Variants in STX8 observed in about 807,000 individuals in gnomAD.
The protein encoded by STX8 is syntaxin 8, also known as syntaxin-8.
A neutral mutation model predicts 37.5 loss-of-function variants in STX8; 23 were observed. The observed-to-expected ratio is 0.61, with a 90% CI of 0.44 to 0.87. STX8 has a LOEUF of 0.87. STX8 is among the 40% of genes least tolerant of loss of function. The probability of loss-of-function intolerance (pLI) is 0.00; values close to 1 mark genes in which losing one functional copy is unlikely to be tolerated. For synonymous variants in STX8, 115 were observed against 99.1 expected (o/e 1.16, Z -0.95); for missense variants, 313 against 284.7 (o/e 1.10, Z -0.71).
intron 4 of STX8, among the ~76,000 whole-genome samples, chr17:9,517,225 T>A (rs544869440): frequency 3.9e-5 from 6 of 152,284 alleles, no homozygotes; most frequent in East Asian, 1.9e-4. Context: ...ATTATGCATT[T>A]GTTTGTTTTC....
At chr17:9,340,735 G>A (rs1910324674) in intron 7 of STX8, among the ~76,000 whole-genome samples, 1 of 126,646 alleles carries the variant, frequency 7.9e-6, no homozygotes, top group South Asian at 2.7e-4. Context: ...TGGGCTGACC[G>A]CAACCTCTGC....
At chr17:9,360,456 G>A (rs1188376295) in intron 7 of STX8, among the ~76,000 whole-genome samples, 1 of 151,402 alleles carries the variant, frequency 6.6e-6, no homozygotes, top group Non-Finnish European at 1.5e-5. Context: ...GGCTGGTCTC[G>A]AACTCCTGAC....
intron 4 of STX8, among the ~76,000 whole-genome samples, chr17:9,527,042 G>A (rs534627340): frequency 1.8e-3 from 263 of 148,486 alleles, no homozygotes; most frequent in Admixed American, 2.9e-3. Context: ...AGCCGGGCGC[G>A]GTGGCGGGCG....
intron 7 of STX8, 76 bp downstream of exon 7, chr17:9,378,476 G>T: frequency 7.5e-7 from 1 of 1,326,666 alleles, no homozygotes; most frequent in South Asian, 1.2e-5. Flanking sequence ...ACAGTAATTA[G>T]ACAAACAGGA....
chr17:9,563,503 T>A (rs1054964222), intron 2 of STX8, among the ~76,000 whole-genome samples: 2 of 151,770 alleles, frequency 1.3e-5, no homozygotes, highest in Admixed American at 1.3e-4. Flanking sequence ...ATCTTTTATA[T>A]AAAAGGAAAA....
At chr17:9,546,988 G>A (rs1417030410) in intron 3 of STX8, among the ~76,000 whole-genome samples, 1 of 151,486 alleles carries the variant, frequency 6.6e-6, no homozygotes, top group Non-Finnish European at 1.5e-5. Context: ...GTGGCTCAAC[G>A]CCTGTAATCC....
chr17:9,438,890 C>A (rs1904540282), intron 6 of STX8, among the ~76,000 whole-genome samples: 1 of 152,074 alleles, frequency 6.6e-6, no homozygotes, highest in African/African-American at 2.4e-5. Flanking sequence ...GATCACGCCA[C>A]TGCACTCCAG....
At chr17:9,441,139 T>C (rs1904633439) in intron 6 of STX8, among the ~76,000 whole-genome samples, 1 of 152,052 alleles carries the variant, frequency 6.6e-6, no homozygotes, top group South Asian at 2.1e-4. Context: ...AAGGGGCAAA[T>C]GCTAAGATGA....
chr17:9,544,643 T>G (rs924108902), intron 4 of STX8, among the ~76,000 whole-genome samples: 1 of 152,176 alleles, frequency 6.6e-6, no homozygotes, highest in Non-Finnish European at 1.5e-5. Context: ...TCCCTTAGTA[T>G]GTTCCACCCA....
intron 6 of STX8, among the ~76,000 whole-genome samples, chr17:9,421,163 C>T (rs1467111292): frequency 6.6e-6 from 1 of 151,934 alleles, no homozygotes. Context: ...GAGGCCGAGG[C>T]GGGCGGATCA....
intron 6 of STX8, among the ~76,000 whole-genome samples, chr17:9,481,271 C>T (rs920205006): frequency 2.0e-5 from 3 of 152,210 alleles, no homozygotes; most frequent in Admixed American, 6.5e-5. Context: ...ATAGCTCTTC[C>T]GGGTTACAGC....
chr17:9,533,736 A>C (rs1445339362), intron 4 of STX8, among the ~76,000 whole-genome samples: 2 of 152,212 alleles, frequency 1.3e-5, no homozygotes, highest in African/African-American at 4.8e-5. Flanking sequence ...CTGGTTCTTC[A>C]AGAAACTTCA....
At chr17:9,328,055 C>T (rs928459293) in intron 7 of STX8, among the ~76,000 whole-genome samples, 2 of 151,250 alleles carry the variant, frequency 1.3e-5, no homozygotes, top group African/African-American at 4.9e-5. Flanking sequence ...TCTCCCCCCA[C>T]CCCCTCTCTC....
intron 6 of STX8, among the ~76,000 whole-genome samples, chr17:9,382,509 G>A (rs1189547110): frequency 9.9e-5 from 15 of 152,100 alleles, no homozygotes; most frequent in Non-Finnish European, 1.5e-5. Context: ...GTATACATGT[G>A]CCATGTTGGT....
intron 7 of STX8, among the ~76,000 whole-genome samples, chr17:9,264,590 C>G (rs1054584478): frequency 6.6e-6 from 1 of 152,122 alleles, no homozygotes; most frequent in Admixed American, 6.5e-5. Context: ...CAGGCATGAG[C>G]CACTGCACCC....
At chr17:9,496,681 G>A (rs1230777006) in intron 5 of STX8, among the ~76,000 whole-genome samples, 2 of 152,104 alleles carry the variant, frequency 1.3e-5, no homozygotes, top group South Asian at 2.1e-4. Flanking sequence ...AATCTGAGAC[G>A]GGGGATTAGC....
At chr17:9,320,318 G>A (rs1161493957) in intron 7 of STX8, among the ~76,000 whole-genome samples, 5 of 146,262 alleles carry the variant, frequency 3.4e-5, no homozygotes, top group African/African-American at 1.3e-4. Context: ...GGGTGACAGA[G>A]CAAGACTCCA....
chr17:9,545,366 T>C lies in STX8; in HGVS notation c.213-84A>G, dbSNP rs113221588. On this transcript the variant is annotated intron_variant, in intron 3 of 7. Coordinates refer to ENST00000306357, the MANE Select transcript of STX8 (RefSeq NM_004853.3). ...TTATTAAGTTAGCTCTTCAAGTCAG[T>C]TGTGGCTTTTACAGACTGTAATCAC... The C allele has an allele frequency of 1.3e-3, 1,320 of 1,038,266 alleles. 12 individuals are homozygous for C. In the East Asian group the frequency reaches 0.013, roughly 10 times the overall value. The allele number at this position is 1,038,266 out of a possible 1,614,324, so 64.3% of individuals were successfully genotyped here.
intron 2 of STX8, among the ~76,000 whole-genome samples, chr17:9,562,071 T>C (rs1907255215): frequency 6.7e-6 from 1 of 150,190 alleles, no homozygotes; most frequent in South Asian, 2.1e-4. Flanking sequence ...ACTAAATATA[T>C]GGAAGCAATT....
Sources: gnomAD v4.1 joint callset for allele counts (sites outside exome capture counted in the v4.1 genomes callset) on GRCh38, gnomAD v4.1.1 for gene constraint, MANE v1.5 for transcripts, NCBI Gene and HGNC (gene_info 2026-07-23, HGNC 2026-07-21) for gene names.